The following SORCS3 variants were observed in gnomAD, a reference collection of about 807,000 sequenced individuals.
The protein encoded by SORCS3 is sortilin related VPS10 domain containing receptor 3, also known as VPS10 domain-containing receptor SorCS3.
SORCS3 carries 57 observed loss-of-function variants against 146.3 expected under a neutral mutation model. The observed-to-expected ratio is 0.39, with a 90% CI of 0.31 to 0.49. SORCS3 has a LOEUF of 0.49. Among genes scored for constraint, SORCS3 ranks in the 20% least tolerant of loss-of-function variants. The probability of loss-of-function intolerance (pLI) is 0.92; values close to 1 mark genes in which losing one functional copy is unlikely to be tolerated. For synonymous variants in SORCS3, 653 were observed against 618.5 expected (o/e 1.06, Z -0.83); for missense variants, 1,341 against 1,575.5 (o/e 0.85, Z 2.52).
intron 1 of SORCS3, among the ~76,000 whole-genome samples, chr10:104,712,388 T>G (rs2016429030): frequency 6.6e-6 from 1 of 152,238 alleles, no homozygotes; most frequent in Non-Finnish European, 1.5e-5. Flanking sequence ...TCAAGCTGGC[T>G]TCAGTTGCCC....
intron 19 of SORCS3, among the ~76,000 whole-genome samples, chr10:105,219,908 G>A (rs2056689471): frequency 6.6e-6 from 1 of 152,132 alleles, no homozygotes; most frequent in African/African-American, 2.4e-5. Flanking sequence ...GCATGAGGGA[G>A]GAAATGTTCC....
intron 1 of SORCS3, among the ~76,000 whole-genome samples, chr10:104,799,769 G>A (rs150174784): frequency 1.4e-4 from 22 of 151,834 alleles, no homozygotes; most frequent in African/African-American, 4.1e-4. Context: ...TCTGCCTCCC[G>A]GGTTCACGCT....
chr10:105,125,258 T>A, intron 7 of SORCS3, among the ~76,000 whole-genome samples: 1 of 152,232 alleles, frequency 6.6e-6, no homozygotes, highest in East Asian at 1.9e-4. Context: ...TTCTTTATTA[T>A]TGAATAACCT....
intron 1 of SORCS3, among the ~76,000 whole-genome samples, chr10:104,785,247 C>T (rs1163765097): frequency 3.8e-4 from 56 of 148,320 alleles, no homozygotes; most frequent in African/African-American, 1.2e-3. Context: ...AGAAAAATTC[C>T]TCTGCCTTGG....
At chr10:105,256,745 A>G (rs1327019518) in intron 24 of SORCS3, 74 bp from the exon 25 acceptor site, 15 of 1,143,720 alleles carry the variant, frequency 1.3e-5, no homozygotes, top group African/African-American at 4.6e-5. Context: ...CCTTCCTGCA[A>G]TGAATACTCC....
intron 1 of SORCS3, among the ~76,000 whole-genome samples, chr10:104,660,381 A>G (rs573691280): frequency 6.6e-6 from 1 of 152,284 alleles, no homozygotes; most frequent in African/African-American, 2.4e-5. Flanking sequence ...ATGACCACCT[A>G]TGGGTTAACA....
chr10:105,177,103 G>A (rs1225431303), intron 13 of SORCS3, among the ~76,000 whole-genome samples: 3 of 152,010 alleles, frequency 2.0e-5, no homozygotes, highest in African/African-American at 7.2e-5. Flanking sequence ...ATAATCTTGA[G>A]TTGAGATATT....
intron 1 of SORCS3, among the ~76,000 whole-genome samples, chr10:104,698,414 A>G (rs569425991): frequency 3.9e-5 from 6 of 152,330 alleles, no homozygotes; most frequent in Non-Finnish European, 7.4e-5. Context: ...CACTGAGCAC[A>G]CAATGAGTTT....
intron 8 of SORCS3, among the ~76,000 whole-genome samples, chr10:105,143,717 T>C (rs1294976858): frequency 6.6e-6 from 1 of 152,178 alleles, no homozygotes; most frequent in Admixed American, 6.5e-5. Context: ...TAAGAGACTA[T>C]TTAATTATAA....
intron 7 of SORCS3, among the ~76,000 whole-genome samples, chr10:105,121,147 C>T (rs1046839104): frequency 6.6e-6 from 1 of 152,162 alleles, no homozygotes; most frequent in Non-Finnish European, 1.5e-5. Context: ...TTCCTACCTC[C>T]AAAGCAATGG....
At chr10:104,690,792 C>T (rs1225786062) in intron 1 of SORCS3, among the ~76,000 whole-genome samples, 1 of 152,148 alleles carries the variant, frequency 6.6e-6, no homozygotes, top group Non-Finnish European at 1.5e-5. Context: ...TCTGCTGACC[C>T]CTGACTGTGC....
chr10:104,891,147 G>A (rs904661310), intron 2 of SORCS3, among the ~76,000 whole-genome samples: 3 of 152,188 alleles, frequency 2.0e-5, no homozygotes, highest in Non-Finnish European at 4.4e-5. Context: ...TACTGAGGCG[G>A]GAAGTTTTCT....
At chr10:105,157,405 C>G in intron 10 of SORCS3, 121 bp downstream of exon 10, 3 of 1,210,782 alleles carry the variant, frequency 2.5e-6, no homozygotes, top group African/African-American at 3.0e-5. Context: ...CAGTAATTTT[C>G]TAAAACTTGC....
intron 7 of SORCS3, among the ~76,000 whole-genome samples, chr10:105,118,164 G>T (rs2055906196): frequency 6.6e-6 from 1 of 152,166 alleles, no homozygotes; most frequent in Non-Finnish European, 1.5e-5. Flanking sequence ...GACCCAGTGG[G>T]AGGTAATTGA....
At chr10:104,844,851 T>C (rs2133548726) in intron 2 of SORCS3, among the ~76,000 whole-genome samples, 1 of 152,302 alleles carries the variant, frequency 6.6e-6, no homozygotes, top group Admixed American at 6.5e-5. Context: ...ATCCTTAACT[T>C]AATGACATCT....
At chr10:104,704,180 T>C (rs1266609267) in intron 1 of SORCS3, among the ~76,000 whole-genome samples, 1 of 143,130 alleles carries the variant, frequency 7.0e-6, no homozygotes, top group African/African-American at 2.5e-5. Context: ...TTTTTTTTTT[T>C]TTTTTTAGAC....
chr10:104,829,817 A>G (rs1463105293), intron 1 of SORCS3, among the ~76,000 whole-genome samples: 5 of 152,116 alleles, frequency 3.3e-5, no homozygotes, highest in Non-Finnish European at 5.9e-5. Flanking sequence ...TCCAGAACCC[A>G]TGTTCTCCTT....
intron 2 of SORCS3, among the ~76,000 whole-genome samples, chr10:104,856,000 A>G (rs1325394598): frequency 6.6e-6 from 1 of 152,092 alleles, no homozygotes; most frequent in Non-Finnish European, 1.5e-5. Context: ...CCTCTTAAGA[A>G]GTGCTGGGAT....
chr10:104,960,407 G>T (rs552079681), intron 3 of SORCS3, among the ~76,000 whole-genome samples: 1 of 152,210 alleles, frequency 6.6e-6, no homozygotes, highest in Non-Finnish European at 1.5e-5. Context: ...ATTTCTCATA[G>T]TTCTGGAAGC....
Sources: allele counts gnomAD v4.1 joint callset (sites outside exome capture counted in the v4.1 genomes callset), GRCh38; gene constraint gnomAD v4.1.1; transcripts MANE v1.5; gene names NCBI Gene and HGNC (gene_info 2026-07-23, HGNC 2026-07-21).